Variants in RHOJ observed in about 807,000 individuals in gnomAD.
RHOJ encodes ras homolog family member J, also known as rho-related GTP-binding protein RhoJ.
RHOJ carries 11 observed loss-of-function variants against 23.4 expected under a neutral mutation model. That is an observed-to-expected ratio of 0.47 (90% CI 0.30 to 0.78). The LOEUF is 0.78. RHOJ is among the 30% of genes least tolerant of loss of function. The pLI is 0.08. For synonymous variants in RHOJ, 102 were observed against 102.7 expected, an observed-to-expected ratio of 0.99 and a Z score of 0.04; for missense variants, 254 against 273.4, an observed-to-expected ratio of 0.93 and a Z score of 0.50.
chr14:63,217,489 G>A (rs550365055), intron 1 of RHOJ, among the ~76,000 whole-genome samples: 13 of 152,010 alleles, frequency 8.6e-5, no homozygotes, highest in African/African-American at 2.4e-4. Context: ...CTAGCCATAT[G>A]TAGAAAGCTG....
chr14:63,244,534 C>G (rs751451394), intron 1 of RHOJ, among the ~76,000 whole-genome samples: 1 of 152,118 alleles, frequency 6.6e-6, no homozygotes, highest in African/African-American at 2.4e-5. Flanking sequence ...GCCGAGATCA[C>G]GCCATTGCAC....
intron 1 of RHOJ, among the ~76,000 whole-genome samples, chr14:63,267,889 T>C (rs1203045534): frequency 1.3e-5 from 2 of 152,216 alleles, no homozygotes; most frequent in Non-Finnish European, 2.9e-5. Flanking sequence ...TCCCAGTGTC[T>C]GGGGACGTAG....
At chr14:63,280,491 A>G (rs1881864138) in intron 2 of RHOJ, among the ~76,000 whole-genome samples, 1 of 152,202 alleles carries the variant, frequency 6.6e-6, no homozygotes, top group African/African-American at 2.4e-5. Flanking sequence ...TAATAATACT[A>G]TATTGCATAC....
At chr14:63,259,485 C>T (rs1375049566) in intron 1 of RHOJ, among the ~76,000 whole-genome samples, 2 of 152,098 alleles carry the variant, frequency 1.3e-5, no homozygotes, top group South Asian at 2.1e-4. Context: ...TGATAAGCAT[C>T]CCAAAAATTA....
chr14:63,247,071 G>T (rs1894988586), intron 1 of RHOJ, among the ~76,000 whole-genome samples: 1 of 152,224 alleles, frequency 6.6e-6, no homozygotes. Flanking sequence ...AGAAAGACAT[G>T]GAGCTAGGCT....
At chr14:63,284,482 A>T (rs547287535) in intron 4 of RHOJ, 3 of 413,300 alleles carry the variant, frequency 7.3e-6, no homozygotes, top group South Asian at 2.0e-4. Context: ...ACAGTCTTAG[A>T]AGACAAGCAC....
chr14:63,237,211 A>C (rs1332396339), intron 1 of RHOJ, among the ~76,000 whole-genome samples: 1 of 152,194 alleles, frequency 6.6e-6, no homozygotes, highest in Admixed American at 6.5e-5. Flanking sequence ...AATAAGAGAA[A>C]ATATGAGCAA....
chr14:63,290,326 A>C (rs566902072), intron 4 of RHOJ, among the ~76,000 whole-genome samples: 1 of 152,354 alleles, frequency 6.6e-6, no homozygotes, highest in Non-Finnish European at 1.5e-5. Context: ...AAAGAGGTAC[A>C]TTTTAATCAA....
chr14:63,272,915 T>C (rs545729915), intron 2 of RHOJ, among the ~76,000 whole-genome samples: 14 of 152,168 alleles, frequency 9.2e-5, no homozygotes, highest in African/African-American at 3.1e-4. Flanking sequence ...CCCAGCTACT[T>C]GGGGGGCTGA....
intron 1 of RHOJ, among the ~76,000 whole-genome samples, chr14:63,218,622 T>C (rs1007671149): frequency 2.6e-5 from 4 of 152,210 alleles, no homozygotes; most frequent in African/African-American, 7.2e-5. Context: ...TTAAGGGTAG[T>C]GCACATCAGC....
At chr14:63,277,350 T>C (rs1189063326) in intron 2 of RHOJ, among the ~76,000 whole-genome samples, 2 of 152,112 alleles carry the variant, frequency 1.3e-5, no homozygotes, top group Admixed American at 6.6e-5. Context: ...TCCATTAATG[T>C]TGGAGATGAT....
At chr14:63,244,308 T>C (rs1478636827) in intron 1 of RHOJ, among the ~76,000 whole-genome samples, 1 of 151,942 alleles carries the variant, frequency 6.6e-6, no homozygotes, top group African/African-American at 2.4e-5. Context: ...GGCTCATGCA[T>C]GTAATCCCAG....
At chr14:63,244,729 G>T (rs1235417747) in intron 1 of RHOJ, among the ~76,000 whole-genome samples, 1 of 152,118 alleles carries the variant, frequency 6.6e-6, no homozygotes, top group Non-Finnish European at 1.5e-5. Context: ...TAACACAAAA[G>T]TATTAAGATA....
intron 4 of RHOJ, among the ~76,000 whole-genome samples, chr14:63,283,954 C>T (rs975075838): frequency 1.3e-5 from 2 of 152,128 alleles, no homozygotes; most frequent in African/African-American, 2.4e-5. Flanking sequence ...AGAGGGTGGA[C>T]GTGCTTTATG....
rs117143827 is a variant in RHOJ at position 63,246,394 on chromosome 14, G to A, written c.179-22716G>A. On this transcript the variant is annotated intron_variant, in intron 1 of 4. Transcript: ENST00000316754. Reference sequence around the variant, plus strand: ...TAATAAGCATCCAGAGGTTTTCTTCGGAATCTCTATAAAAACCACATCGTA... The same window carrying A: ...TAATAAGCATCCAGAGGTTTTCTTCAGAATCTCTATAAAAACCACATCGTA... 1.3e-3 allele frequency among the ~76,000 whole-genome samples: 196 copies of A among 152,184 alleles called. No individual in the cohort carries two copies. The East Asian group carries it at 0.025, about 19-fold the overall frequency.
intron 3 of RHOJ, among the ~76,000 whole-genome samples, chr14:63,282,330 T>A (rs1274796602): frequency 1.4e-5 from 2 of 148,092 alleles, no homozygotes. Context: ...ACACAATTAG[T>A]AGAGCTGAGT....
rs17100993 is a variant in RHOJ, at chr14:63,291,714, A to G, written c.*690A>G. On this transcript the variant is annotated 3_prime_UTR_variant, in exon 5 of 5. Transcript: ENST00000316754. ...TTACAGAGCCATGATTTTTGAACCT[A>G]ATTGAAAGAAAACCATCTGAATTGT... The G allele has an allele frequency of 0.19, 29,280 of 154,954 alleles. 5,568 individuals are homozygous for G. Among genetic ancestry groups the G allele is most frequent in the African/African-American group, 0.5 (20,568 of 41,472 alleles). The allele number at this position is 154,954 out of a possible 1,614,324, so 9.6% of individuals were successfully genotyped here. A position where few individuals can be genotyped will look rare whatever the true frequency, so the allele number is the denominator to read the frequency against.
chr14:63,212,812 A>T (rs1023638030), intron 1 of RHOJ, among the ~76,000 whole-genome samples: 2 of 152,228 alleles, frequency 1.3e-5, no homozygotes, highest in Admixed American at 1.3e-4. Context: ...CTAAATATGT[A>T]AAATAACAAT....
chr14:63,281,187 C>T (rs770465306), intron 3 of RHOJ, 52 bp downstream of exon 3: 2 of 1,522,872 alleles, frequency 1.3e-6, no homozygotes, highest in East Asian at 2.3e-5. Context: ...ATGGGAAGAC[C>T]CTTTAGGTAC....
Sources: allele counts gnomAD v4.1 joint callset (sites outside exome capture counted in the v4.1 genomes callset), GRCh38; gene constraint gnomAD v4.1.1; transcripts MANE v1.5; gene names NCBI Gene and HGNC (gene_info 2026-07-23, HGNC 2026-07-21).